Variants in ADGRL3 observed in about 807,000 individuals in gnomAD.
The protein encoded by ADGRL3 is adhesion G protein-coupled receptor L3.
ADGRL3 carries 62 observed loss-of-function variants against 153.5 expected under a neutral mutation model. The ratio of observed to expected loss-of-function variants is 0.40; its 90% CI spans 0.33 to 0.50. The LOEUF is 0.50. ADGRL3 is among the 20% of genes least tolerant of loss of function. The pLI is 0.47. For missense variants in ADGRL3, 1,641 were observed against 1,859.4 expected, an observed-to-expected ratio of 0.88 and a Z score of 2.16; for synonymous variants, 710 against 672.5, an observed-to-expected ratio of 1.06 and a Z score of -0.86.
chr4:61,924,143 G>A (rs2098783477), intron 13 of ADGRL3, among the ~76,000 whole-genome samples: 1 of 151,910 alleles, frequency 6.6e-6, no homozygotes, highest in Non-Finnish European at 1.5e-5. Context: ...CCAATGGTCG[G>A]TAGTCAATGC....
rs1553894994 is a variant in ADGRL3, at chr4:61,291,210, A to ACATG, written c.-240+89447_-240+89448insTGCA. Among the ~76,000 whole-genome samples the ACATG allele has an allele frequency of 4.2e-4, 56 of 133,540 alleles. 1 individual carries two copies. The highest frequency in any genetic ancestry group is 9.2e-4 in the Admixed American group (12 of 13,094). 87.6% of individuals were successfully genotyped at this position (133,540 alleles called of 152,430 possible). A position where few individuals can be genotyped will look rare whatever the true frequency, so the allele number is the denominator to read the frequency against. ...CACACACACACACACACACACACAC[A>ACATG]CACACACGCACACACACACACCCCT... On this transcript the variant is annotated intron_variant, in intron 1 of 26. Transcript: ENST00000683033.
At chr4:61,580,473 G>A (rs1560877515) in intron 4 of ADGRL3, among the ~76,000 whole-genome samples, 1 of 152,002 alleles carries the variant, frequency 6.6e-6, no homozygotes, top group Non-Finnish European at 1.5e-5. Flanking sequence ...CTATCTAACA[G>A]TTTCAGTGTC....
In ADGRL3 at chr4:61,312,489, A is replaced by G. The variant is rs558436332; in HGVS notation, c.-239-70635A>G. Among the ~76,000 whole-genome samples, 296 of 152,294 alleles carry G rather than the reference A, an allele frequency of 1.9e-3. 1 individual carries two copies. Among genetic ancestry groups the G allele is most frequent in the African/African-American group, 6.8e-3 (282 of 41,572 alleles). ...GTCATATCTGGGAGAAAAATATTTG[A>G]ACAACACATATCTGATAAAAGGCTT... On this transcript the variant is annotated intron_variant, in intron 1 of 26. Transcript: ENST00000683033.
rs1258846149 is a variant in ADGRL3, at chr4:61,426,257, T to G, written c.-174+43068T>G. On this transcript the variant is annotated intron_variant, in intron 2 of 26. Transcript: ENST00000683033. ...CCCTGGTAAACTGCCCATCTATTGG[T>G]GCAGATTGCCATAGGTGTCTCCTTC... 2.0e-5 allele frequency among the ~76,000 whole-genome samples: 3 copies of G among 152,252 alleles called. No individual in the cohort carries two copies. The East Asian group carries it at 5.8e-4, about 29-fold the overall frequency.
intron 2 of ADGRL3, among the ~76,000 whole-genome samples, chr4:61,443,008 A>G (rs1388988088): frequency 3.9e-5 from 6 of 152,182 alleles, no homozygotes. Flanking sequence ...TCTTGGAAAC[A>G]TAAAACAGAC....
At chr4:61,470,867 G>A (rs1190315676) in intron 2 of ADGRL3, among the ~76,000 whole-genome samples, 2 of 151,808 alleles carry the variant, frequency 1.3e-5, no homozygotes, top group African/African-American at 4.8e-5. Context: ...TTAAATTCAT[G>A]ATGTACCTCT....
intron 1 of ADGRL3, among the ~76,000 whole-genome samples, chr4:61,255,949 T>A (rs2091918003): frequency 6.6e-6 from 1 of 152,198 alleles, no homozygotes; most frequent in African/African-American, 2.4e-5. Context: ...TGAATATGCA[T>A]GTGTCTGCGT....
chr4:61,401,103 T>G (rs1344974605), intron 2 of ADGRL3, among the ~76,000 whole-genome samples: 1 of 151,516 alleles, frequency 6.6e-6, no homozygotes, highest in African/African-American at 2.4e-5. Context: ...GAAAATGCAG[T>G]GGATAGAATT....
At chr4:61,811,167 A>T (rs918850381) in intron 8 of ADGRL3, among the ~76,000 whole-genome samples, 21 of 152,160 alleles carry the variant, frequency 1.4e-4, no homozygotes, top group African/African-American at 4.3e-4. Flanking sequence ...GCACATAAAA[A>T]TTTGTACATA....
intron 2 of ADGRL3, among the ~76,000 whole-genome samples, chr4:61,460,323 G>A (rs1000677556): frequency 1.3e-5 from 2 of 152,008 alleles, no homozygotes; most frequent in Non-Finnish European, 2.9e-5. Context: ...ATTGAAGAGG[G>A]TGTCCTTTCC....
chr4:61,559,829 T>C (rs1036235335), intron 4 of ADGRL3, among the ~76,000 whole-genome samples: 6 of 152,074 alleles, frequency 3.9e-5, no homozygotes, highest in African/African-American at 1.4e-4. Flanking sequence ...TTTTTTTAAT[T>C]CTCGTGTTAT....
chr4:61,538,657 G>T (rs1292353763), intron 4 of ADGRL3, among the ~76,000 whole-genome samples: 2 of 152,090 alleles, frequency 1.3e-5, no homozygotes, highest in Non-Finnish European at 2.9e-5. Context: ...GGTCAGGCTG[G>T]TCTCGAACTC....
At chr4:61,457,854 A>AT in intron 2 of ADGRL3, among the ~76,000 whole-genome samples, 1 of 91,158 alleles carries the variant, frequency 1.1e-5, no homozygotes, top group East Asian at 2.8e-4. Context: ...CAGATGACAG[A>AT]TAGATAGATA....
At chr4:61,498,749 A>G (rs1490393338) in intron 3 of ADGRL3, among the ~76,000 whole-genome samples, 2 of 152,154 alleles carry the variant, frequency 1.3e-5, no homozygotes, top group East Asian at 1.9e-4. Flanking sequence ...TTTATAAAAT[A>G]TATCACATTA....
In ADGRL3 at chr4:61,761,620, C is replaced by T. The variant is rs143544717; in HGVS notation, c.1399+28066C>T. Among the ~76,000 whole-genome samples, 176 of 152,250 alleles carry T rather than the reference C, an allele frequency of 1.2e-3. 3 individuals carry two copies. Among genetic ancestry groups the T allele is most frequent in the Non-Finnish European group, 6.2e-4 (42 of 68,020 alleles). On this transcript the variant is annotated intron_variant, in intron 8 of 26. Transcript: ENST00000683033. Reference sequence around the variant, plus strand: ...ACCAGCCTGAGCAACAAAGCAAGATCCCGTCTCTACACAAAATTTTAAAAT... The same window carrying T: ...ACCAGCCTGAGCAACAAAGCAAGATTCCGTCTCTACACAAAATTTTAAAAT...
At chr4:61,762,312 ATTAC>A (rs529570776) in intron 8 of ADGRL3, among the ~76,000 whole-genome samples, 10 of 152,308 alleles carry the variant, frequency 6.6e-5, no homozygotes, top group Middle Eastern at 3.4e-3. Flanking sequence ...AAGGTTAAGC[ATTAC>A]TTTTTATTTG....
At chr4:61,750,861 C>T (rs933190828) in intron 8 of ADGRL3, among the ~76,000 whole-genome samples, 10 of 150,986 alleles carry the variant, frequency 6.6e-5, no homozygotes, top group Non-Finnish European at 1.2e-4. Context: ...GCAACAAGGA[C>T]ATGTGAATCT....
chr4:61,541,925 C>A (rs2098692231), intron 4 of ADGRL3, among the ~76,000 whole-genome samples: 2 of 151,678 alleles, frequency 1.3e-5, no homozygotes, highest in African/African-American at 4.8e-5. Context: ...CATTTTAAAT[C>A]ATTTTATTCT....
chr4:61,210,208 A>G (rs1239935245), intron 1 of ADGRL3, among the ~76,000 whole-genome samples: 1 of 152,206 alleles, frequency 6.6e-6, no homozygotes. Context: ...AGTAAACTGC[A>G]CATTGGACTG....
Sources: gnomAD v4.1 joint callset for allele counts (sites outside exome capture counted in the v4.1 genomes callset) on GRCh38, gnomAD v4.1.1 for gene constraint, MANE v1.5 for transcripts, NCBI Gene and HGNC (gene_info 2026-07-23, HGNC 2026-07-21) for gene names.